The following ESPN variants were observed in gnomAD, a reference collection of about 807,000 sequenced individuals.
The protein encoded by ESPN is espin, also known as autosomal recessive deafness type 36 protein.
In ESPN, 68 loss-of-function variants were observed where a neutral mutation model predicts 77.7. That is an observed-to-expected ratio of 0.87 (90% CI 0.72 to 1.07). The LOEUF (loss-of-function observed/expected upper bound fraction) is 1.07, where lower values mean the gene tolerates loss of function less well. Among genes scored for constraint, ESPN ranks in the 50% least tolerant of loss-of-function variants. The probability of loss-of-function intolerance (pLI) is 0.00; values close to 1 mark genes in which losing one functional copy is unlikely to be tolerated. For missense variants in ESPN, 1,060 were observed against 1,239.0 expected (o/e 0.86, Z 2.17); for synonymous variants, 449 against 567.1 (o/e 0.79, Z 2.96).
At chr1:6,434,442 G>A (rs1331262626) in intron 2 of ESPN, among the ~76,000 whole-genome samples, 1 of 152,166 alleles carries the variant, frequency 6.6e-6, no homozygotes, top group Non-Finnish European at 1.5e-5. Flanking sequence ...CCTGACTCCA[G>A]TAAACGTCTG....
intron 2 of ESPN, among the ~76,000 whole-genome samples, chr1:6,430,319 CG>C (rs1304302245): frequency 1.3e-5 from 2 of 152,192 alleles, no homozygotes; most frequent in African/African-American, 4.8e-5. Flanking sequence ...GTGGGAAACT[CG>C]ATCCTGCCAG....
Position 6,448,880 on chromosome 1 carries a change from C to G in ESPN, c.1704C>G (p.Ser568=), listed in dbSNP as rs1450842524. The change falls in exon 8 of 13, where the codon TCC becomes TCG. Residue 568 remains serine, a synonymous_variant. Coordinates refer to ENST00000645284, the MANE Select transcript of ESPN (RefSeq NM_031475.3). ...PAARGSLEGP[S]APPQAALLPG... ...CCCGCGGCTCACTCGAAGGCCCCTC[C>G]GCTCCCCCGCAGGCGGCGCTGCTTC... is the stretch of plus-strand genomic sequence containing the variant. The G allele has an allele frequency of 3.8e-6, 5 of 1,316,710 alleles. No individual in the cohort carries two copies. Among genetic ancestry groups the G allele is most frequent in the Non-Finnish European group, 1.9e-6 (2 of 1,038,922 alleles). The allele number at this position is 1,316,710 out of a possible 1,614,324, so 81.6% of individuals were successfully genotyped here.
chr1:6,449,394 C>T (rs1428850885), intron 8 of ESPN, among the ~76,000 whole-genome samples: 1 of 152,238 alleles, frequency 6.6e-6, no homozygotes, highest in Non-Finnish European at 1.5e-5. Flanking sequence ...CCTCCTCCCA[C>T]CAGCTAGAAA....
At chr1:6,445,365 C>T (rs1337244590) in intron 6 of ESPN, among the ~76,000 whole-genome samples, 1 of 152,252 alleles carries the variant, frequency 6.6e-6, no homozygotes, top group Non-Finnish European at 1.5e-5. Flanking sequence ...GCCATCCGTA[C>T]TCCCAAGGAG....
intron 2 of ESPN, among the ~76,000 whole-genome samples, chr1:6,435,683 C>T (rs558029106): frequency 7.2e-5 from 11 of 152,320 alleles, no homozygotes; most frequent in African/African-American, 2.4e-4. Context: ...GACCCATCCT[C>T]TCCCCTCTAG....
chr1:6,446,081 A>G, intron 7 of ESPN, 146 bp downstream of exon 7: 1 of 789,746 alleles, frequency 1.3e-6, no homozygotes, highest in Non-Finnish European at 2.1e-6. Context: ...GCTCCTGGCG[A>G]GTCCCACAAG....
chr1:6,458,816 AGCTACTCG>A (rs1644099326), intron 12 of ESPN, among the ~76,000 whole-genome samples: 3 of 151,324 alleles, frequency 2.0e-5, no homozygotes, highest in Admixed American at 6.6e-5. Context: ...CTGTAATCCC[AGCTACTCG>A]GGAGGCTGAG....
Position 6,460,753 on chromosome 1 carries a change from A to C in ESPN, c.*607A>C. On this transcript the variant is annotated 3_prime_UTR_variant, in exon 13 of 13. Transcript: ENST00000645284. ...CCCCCGGGACCCCACCTCTGGCCCC[A>C]CCTCCCTCAAGTCTGCGCCCCGTCC... 1 of 177,124 alleles carries C rather than the reference A, an allele frequency of 5.6e-6. No homozygotes were observed. The allele number at this position is 177,124 out of a possible 1,614,324, so 11.0% of individuals were successfully genotyped here.
intron 10 of ESPN, chr1:6,455,921 A>C (rs1277691038): frequency 2.5e-6 from 1 of 398,762 alleles, no homozygotes; most frequent in East Asian, 3.6e-5. Flanking sequence ...AGGAGGGGAA[A>C]GAACAGGAGC....
chr1:6,442,063 G>A (rs1643657794), intron 5 of ESPN, among the ~76,000 whole-genome samples: 1 of 152,216 alleles, frequency 6.6e-6, no homozygotes, highest in Non-Finnish European at 1.5e-5. Context: ...GGGCATTTCT[G>A]CATCAATGGT....
rs779617103 is a variant in ESPN, at chr1:6,440,694, G to A, written c.744G>A (p.Ala248=). ...GCGCCACCGCCATGCACTTCGCGGC[G>A]AGCCGCGGCCACACCAAGGTGCTCA... ...KDGATAMHFA[A]SRGHTKVLSW... is the part of the protein sequence containing the mutation. Residue 248 remains alanine, a synonymous_variant, in exon 4 of 13, where the codon GCG becomes GCA. Coordinates refer to ENST00000645284, the MANE Select transcript of ESPN (RefSeq NM_031475.3). 1.3e-6 allele frequency: 2 copies of A among 1,542,232 alleles called. No individual in the cohort carries two copies. The highest frequency in any genetic ancestry group is 1.9e-5 in the Admixed American group (1 of 52,644).
intron 10 of ESPN, chr1:6,455,376 G>C: frequency 2.6e-6 from 1 of 385,638 alleles, no homozygotes; most frequent in South Asian, 1.3e-4. Flanking sequence ...GCCCCGCGTG[G>C]CGGCTGCCGG....
chr1:6,433,931 G>C (rs1203290514), intron 2 of ESPN, among the ~76,000 whole-genome samples: 2 of 152,106 alleles, frequency 1.3e-5, no homozygotes, highest in African/African-American at 4.8e-5. Flanking sequence ...TTTGAGACTT[G>C]AGTCTCGCTC....
At position 6,431,483 on chromosome 1, in the gene ESPN, A is replaced by G. The variant is rs116891185; in HGVS notation, c.488+3064A>G. Among the ~76,000 whole-genome samples, 233 of 152,090 alleles carry G rather than the reference A, an allele frequency of 1.5e-3. 6 individuals are homozygous for G. In the East Asian group the frequency reaches 0.034, roughly 23 times the overall value. On this transcript the variant is annotated intron_variant, in intron 2 of 12. Transcript: ENST00000645284. Reference sequence around the variant, plus strand: ...AATTAGCTGGGCATGTGGCCGGGCTATGCCTGTACAGGTGGCCCATGCCTG... The same window carrying G: ...AATTAGCTGGGCATGTGGCCGGGCTGTGCCTGTACAGGTGGCCCATGCCTG...
chr1:6,459,339 C>A (rs1032616973), intron 12 of ESPN, among the ~76,000 whole-genome samples: 2 of 151,524 alleles, frequency 1.3e-5, no homozygotes, highest in Non-Finnish European at 2.9e-5. Context: ...CCCAGGAGGT[C>A]GAGGCTGCAG....
chr1:6,451,802 G>C lies in ESPN; in HGVS notation c.2062-31G>C. 6.2e-7 allele frequency: 1 copy of C among 1,609,940 alleles called. No homozygotes were observed. The highest frequency in any genetic ancestry group is 8.5e-7 in the Non-Finnish European group (1 of 1,178,932). ...CCGGCTTCCCTGGCCCTAGGCCACC[G>C]GGCGCTCAGCCCCACCGCTTCTCCC... On this transcript the variant is annotated intron_variant, in intron 9 of 12. Coordinates refer to ENST00000645284, the MANE Select transcript of ESPN (RefSeq NM_031475.3). The surrounding 1 kb of genome is among the most constrained non-coding windows in gnomAD (Gnocchi z 4.3).
At chr1:6,449,166 T>G (rs1643904517) in intron 8 of ESPN, 75 bp downstream of exon 8, 1 of 1,362,558 alleles carries the variant, frequency 7.3e-7, no homozygotes, top group African/African-American at 1.5e-5. Flanking sequence ...CACCGCCCCC[T>G]CCCCAGCTGT....
rs559152988 is a variant in ESPN at position 6,438,384 on chromosome 1, A to G, written c.489-1870A>G. Among the ~76,000 whole-genome samples the G allele has an allele frequency of 9.2e-5, 14 of 152,376 alleles. 1 individual carries two copies. Among genetic ancestry groups the G allele is most frequent in the Admixed American group, 6.5e-4 (10 of 15,308 alleles). On this transcript the variant is annotated intron_variant, in intron 2 of 12. Transcript: ENST00000645284. Reference sequence around the variant, plus strand: ...CAAGCACTTCTCAGGCACTCTGCACAAGGTCAGGATGACAACTGTTGTCCC... The same window carrying G: ...CAAGCACTTCTCAGGCACTCTGCACGAGGTCAGGATGACAACTGTTGTCCC...
At chr1:6,430,496 C>T (rs1039834806) in intron 2 of ESPN, among the ~76,000 whole-genome samples, 1 of 152,196 alleles carries the variant, frequency 6.6e-6, no homozygotes, top group African/African-American at 2.4e-5. Context: ...CACACCTCCC[C>T]GTCTGTCCCG....
Sources: allele counts gnomAD v4.1 joint callset (sites outside exome capture counted in the v4.1 genomes callset), GRCh38; gene constraint gnomAD v4.1.1; non-coding constraint Gnocchi (gnomAD v3.1); transcripts MANE v1.5; gene names NCBI Gene and HGNC (gene_info 2026-07-23, HGNC 2026-07-21).